PDE9A: variants seen among roughly 807,000 people sequenced by gnomAD.
PDE9A encodes high affinity cGMP-specific 3',5'-cyclic phosphodiesterase 9A.
Under a neutral mutation model 87.4 loss-of-function variants are expected in PDE9A, and 60 were observed. The observed-to-expected ratio is 0.69, with a 90% CI of 0.56 to 0.85. The LOEUF (loss-of-function observed/expected upper bound fraction) is 0.85, where lower values mean the gene tolerates loss of function less well. Ranked by LOEUF, PDE9A falls within the 40% of genes least tolerant of loss-of-function variation. The probability of loss-of-function intolerance (pLI) is 0.00; values close to 1 mark genes in which losing one functional copy is unlikely to be tolerated. For synonymous variants in PDE9A, 272 were observed against 279.4 expected (o/e 0.97, Z 0.27); for missense variants, 665 against 779.0 (o/e 0.85, Z 1.74).
chr21:42,771,386 T>A (rs546195944), intron 18 of PDE9A, among the ~76,000 whole-genome samples: 1 of 152,338 alleles, frequency 6.6e-6, no homozygotes, highest in East Asian at 1.9e-4. Context: ...TTTCTACGGA[T>A]TCCCCACGGC....
intron 4 of PDE9A, 38 bp downstream of exon 4, chr21:42,699,049 A>C (rs774021510): frequency 1.4e-6 from 2 of 1,429,898 alleles, no homozygotes; most frequent in South Asian, 2.3e-5. Flanking sequence ...TAAAAGAAGG[A>C]AAAAGAAATC....
At chr21:42,715,242 C>A (rs975553444) in intron 4 of PDE9A, among the ~76,000 whole-genome samples, 1 of 137,838 alleles carries the variant, frequency 7.3e-6, no homozygotes, top group African/African-American at 2.8e-5. Context: ...AGATTCACGG[C>A]AAAATTGAGT....
At chr21:42,671,949 C>T (rs1330738843) in intron 1 of PDE9A, among the ~76,000 whole-genome samples, 1 of 152,102 alleles carries the variant, frequency 6.6e-6, no homozygotes, top group African/African-American at 2.4e-5. Context: ...TCCCCAAGCC[C>T]GGCTGAGATG....
intron 1 of PDE9A, among the ~76,000 whole-genome samples, chr21:42,677,156 C>T (rs1423033056): frequency 6.6e-6 from 1 of 152,208 alleles, no homozygotes; most frequent in East Asian, 1.9e-4. Context: ...CTTAAAACCA[C>T]TTGGAGGGAA....
intron 19 of PDE9A, 58 bp from the exon 20 acceptor site, chr21:42,775,222 G>T (rs757553317): frequency 2.1e-5 from 33 of 1,582,178 alleles, no homozygotes; most frequent in Non-Finnish European, 2.8e-5. Context: ...TTAAAGGTGT[G>T]AGCCACCGCG....
chr21:42,695,928 T>C lies in PDE9A; in HGVS notation c.219-3040T>C, dbSNP rs1310774242. Among the ~76,000 whole-genome samples the C allele has an allele frequency of 2.0e-5, 3 of 152,144 alleles. No homozygotes were observed. The highest frequency in any genetic ancestry group is 4.4e-5 in the Non-Finnish European group (3 of 68,028). ...AGCATCTGGGAGCCAAGACTGATCTTGAGTGGCCCAGAAATGCAACCCAAG... is the reference window on the plus strand; with the variant it reads ...AGCATCTGGGAGCCAAGACTGATCTCGAGTGGCCCAGAAATGCAACCCAAG... On this transcript the variant is annotated intron_variant, in intron 3 of 19. Coordinates refer to ENST00000291539, the MANE Select transcript of PDE9A (RefSeq NM_002606.3). The surrounding 1 kb of genome is among the most constrained non-coding windows in gnomAD (Gnocchi z 4.3).
intron 9 of PDE9A, 100 bp downstream of exon 9, chr21:42,751,297 C>T: frequency 1.2e-6 from 1 of 845,334 alleles, no homozygotes; most frequent in East Asian, 2.4e-5. Flanking sequence ...TGTACGTTCA[C>T]ATCAACCGCC....
In PDE9A at chr21:42,653,796, T is replaced by G. The variant is rs1601827427; in HGVS notation, c.-19T>G. The G allele has an allele frequency of 6.7e-7, 1 of 1,495,468 alleles. No homozygotes were observed. The highest frequency in any genetic ancestry group is 8.9e-7 in the Non-Finnish European group (1 of 1,118,482). 92.6% of individuals were successfully genotyped at this position (1,495,468 alleles called of 1,614,324 possible). A position where few individuals can be genotyped will look rare whatever the true frequency, so the allele number is the denominator to read the frequency against. On this transcript the variant is annotated 5_prime_UTR_variant, in exon 1 of 20. Coordinates refer to ENST00000291539, the MANE Select transcript of PDE9A (RefSeq NM_002606.3). ...GGGAAAGTACAGTAAAAAGTCCGAG[T>G]GCAGCCGCCGGGCGCAGGATGGGAT...
intron 7 of PDE9A, among the ~76,000 whole-genome samples, chr21:42,742,139 T>G (rs2053346431): frequency 6.6e-6 from 1 of 152,152 alleles, no homozygotes; most frequent in Non-Finnish European, 1.5e-5. Context: ...CTCCAGTTTG[T>G]TTTTGGTTGA....
chr21:42,688,926 C>T (rs2059630461), intron 3 of PDE9A, among the ~76,000 whole-genome samples: 1 of 149,774 alleles, frequency 6.7e-6, no homozygotes, highest in Admixed American at 6.6e-5. Flanking sequence ...CTCAGTGAGG[C>T]CCCCCAGTGG....
At chr21:42,713,324 G>A (rs1008959335) in intron 4 of PDE9A, among the ~76,000 whole-genome samples, 8 of 152,090 alleles carry the variant, frequency 5.3e-5, no homozygotes, top group Non-Finnish European at 1.2e-4. Context: ...AGTAGAGACA[G>A]GGTTTCACCA....
chr21:42,724,562 A>C, intron 4 of PDE9A: 1 of 985,140 alleles, frequency 1.0e-6, no homozygotes, highest in Non-Finnish European at 1.2e-6. Context: ...CCAGCAAAAG[A>C]ATGCAGATTT....
Position 42,704,400 on chromosome 21 carries a change from G to A in PDE9A, c.262+5389G>A, listed in dbSNP as rs1311197053. On this transcript the variant is annotated intron_variant, in intron 4 of 19. Transcript: ENST00000291539. This position sits in a 1 kb window ranked among gnomAD's most constrained non-coding sequence, Gnocchi z 5.3. ...TCCAGGCTTTTCTTTAGGAGACAAA[G>A]TCGGTGTCAGGTAGACCCCCCCCAC... 1.3e-5 allele frequency among the ~76,000 whole-genome samples: 2 copies of A among 149,676 alleles called. No individual in the cohort carries two copies. The highest frequency in any genetic ancestry group is 6.7e-5 in the Admixed American group (1 of 15,014).
intron 1 of PDE9A, among the ~76,000 whole-genome samples, chr21:42,655,322 GCAGGTCCGTCC>G (rs2056977383): frequency 6.6e-6 from 1 of 152,212 alleles, no homozygotes; most frequent in South Asian, 2.1e-4. Context: ...ATCAACAGTA[GCAGGTCCGTCC>G]TAAGAACTTC....
chr21:42,671,950 G>C (rs1439462876), intron 1 of PDE9A, among the ~76,000 whole-genome samples: 1 of 152,094 alleles, frequency 6.6e-6, no homozygotes, highest in Non-Finnish European at 1.5e-5. Flanking sequence ...CCCCAAGCCC[G>C]GCTGAGATGT....
chr21:42,679,539 A>T (rs889605636), intron 1 of PDE9A, among the ~76,000 whole-genome samples: 2 of 152,086 alleles, frequency 1.3e-5, no homozygotes, highest in Non-Finnish European at 2.9e-5. Flanking sequence ...AGACCTGCTC[A>T]TGGAGCTGCT....
chr21:42,733,630 C>G, intron 7 of PDE9A: 1 of 584,574 alleles, frequency 1.7e-6, no homozygotes, highest in Non-Finnish European at 3.1e-6. Flanking sequence ...TTAAAAGAAG[C>G]ACAGCTCATG....
rs1175822463 is a variant in PDE9A at position 42,653,760 on chromosome 21, C to A, written c.-55C>A. The A allele has an allele frequency of 5.6e-6, 6 of 1,074,246 alleles. No individual in the cohort carries two copies. Among genetic ancestry groups the A allele is most frequent in the Non-Finnish European group, 7.8e-6 (6 of 764,656 alleles). 66.5% of individuals were successfully genotyped at this position (1,074,246 alleles called of 1,614,324 possible). A position where few individuals can be genotyped will look rare whatever the true frequency, so the allele number is the denominator to read the frequency against. ...TGCTCCCCTCCCCCGCCTCCCGCGG[C>A]GGCTGGCGTCGGGAAAGTACAGTAA... is the stretch of plus-strand genomic sequence containing the variant. On this transcript the variant is annotated 5_prime_UTR_variant, in exon 1 of 20. Transcript: ENST00000291539.
At chr21:42,687,837 C>A in intron 2 of PDE9A, 80 bp from the exon 3 acceptor site, 1 of 1,239,328 alleles carries the variant, frequency 8.1e-7, no homozygotes, top group Non-Finnish European at 1.2e-6. Context: ...TGTCTCAGGG[C>A]TCTGGCCCCA....
Sources: gnomAD v4.1 joint callset for allele counts (sites outside exome capture counted in the v4.1 genomes callset) on GRCh38, gnomAD v4.1.1 for gene constraint, Gnocchi (gnomAD v3.1) non-coding constraint, MANE v1.5 for transcripts, NCBI Gene and HGNC (gene_info 2026-07-23, HGNC 2026-07-21) for gene names.